SYNE2: variants seen among roughly 807,000 people sequenced by gnomAD.
The protein encoded by SYNE2 is nesprin-2.
SYNE2 carries 431 observed loss-of-function variants against 856.3 expected under a neutral mutation model. That is an observed-to-expected ratio of 0.50 (90% CI 0.47 to 0.55). The LOEUF (loss-of-function observed/expected upper bound fraction) is 0.55, where lower values mean the gene tolerates loss of function less well. Ranked by LOEUF, SYNE2 falls within the 20% of genes least tolerant of loss-of-function variation. The pLI is 0.00. For synonymous variants in SYNE2, 2,923 were observed against 2,872.3 expected (o/e 1.02, Z -0.56); for missense variants, 8,129 against 8,023.2 (o/e 1.01, Z -0.50).
rs200437377 is a variant in SYNE2 at position 64,000,587 on chromosome 14, G to T, written c.3506G>T (p.Arg1169Leu). ...LQVIKNETDA[R>L]WKEFEIISLK... ...GTCATAAAAAATGAAACTGATGCTCGCTGGAAAGAGTTTGAAATTATTTCA... is the reference window on the plus strand; with the variant it reads ...GTCATAAAAAATGAAACTGATGCTCTCTGGAAAGAGTTTGAAATTATTTCA... The change falls in exon 28 of 116, where the codon CGC becomes CTC. Residue 1169 changes from arginine to leucine, a missense_variant. Transcript: ENST00000555002. 2.5e-6 allele frequency: 4 copies of T among 1,613,192 alleles called. No homozygotes were observed. Among genetic ancestry groups the T allele is most frequent in the Non-Finnish European group, 2.5e-6 (3 of 1,179,620 alleles).
intron 108 of SYNE2, among the ~76,000 whole-genome samples, chr14:64,217,103 C>G (rs538977638): frequency 1.3e-5 from 2 of 152,168 alleles, no homozygotes; most frequent in East Asian, 3.9e-4. Context: ...GCAGTGGACA[C>G]GGATTTGATT....
intron 39 of SYNE2, 46 bp from the exon 40 acceptor site, chr14:64,024,866 C>A (rs745487542): frequency 3.0e-5 from 48 of 1,609,682 alleles, no homozygotes; most frequent in Non-Finnish European, 4.0e-5. Flanking sequence ...TTGGTATAAA[C>A]ACTTTTTGCT....
chr14:64,044,623 A>G (rs2097172712), intron 45 of SYNE2, among the ~76,000 whole-genome samples: 1 of 152,148 alleles, frequency 6.6e-6, no homozygotes. Context: ...CACAATTCCC[A>G]TGTGTCATGG....
intron 51 of SYNE2, among the ~76,000 whole-genome samples, chr14:64,067,927 G>A (rs2097370000): frequency 6.6e-6 from 1 of 152,102 alleles, no homozygotes; most frequent in Admixed American, 6.5e-5. Context: ...TCTCTTTTCT[G>A]CTGGTTCTGG....
At chr14:63,949,375 T>G (rs1255865) in intron 6 of SYNE2, among the ~76,000 whole-genome samples, 73,412 of 152,012 alleles carry the variant, frequency 0.48, 18,770 homozygotes, top group South Asian at 0.56. Context: ...GCAATTTTAT[T>G]TGTTTCCTCT....
At chr14:64,020,463 T>G (rs2096928125) in intron 35 of SYNE2, among the ~76,000 whole-genome samples, 1 of 152,246 alleles carries the variant, frequency 6.6e-6, no homozygotes, top group African/African-American at 2.4e-5. Flanking sequence ...GATCATTTAT[T>G]CAATTCCTAT....
chr14:64,059,506 T>A (rs926956287), intron 49 of SYNE2, among the ~76,000 whole-genome samples: 3 of 152,338 alleles, frequency 2.0e-5, no homozygotes, highest in African/African-American at 7.2e-5. Context: ...TTGTTTTCCC[T>A]CACTTTCTCC....
Position 64,012,664 on chromosome 14 carries a change from C to T in SYNE2, c.4728+2548C>T, listed in dbSNP as rs922354123. Reference sequence around the variant, plus strand: ...TTATTTTATTAAAATGAGAATTGTACCTCTAGTATATGGGTACTTCATATG... The same window carrying T: ...TTATTTTATTAAAATGAGAATTGTATCTCTAGTATATGGGTACTTCATATG... On this transcript the variant is annotated intron_variant, in intron 32 of 115. Transcript: ENST00000555002. 2.6e-5 allele frequency among the ~76,000 whole-genome samples: 4 copies of T among 152,220 alleles called. No homozygotes were observed. In the East Asian group the frequency reaches 7.7e-4, roughly 29 times the overall value.
intron 83 of SYNE2, among the ~76,000 whole-genome samples, chr14:64,144,153 C>T (rs1380801371): frequency 6.6e-6 from 1 of 152,078 alleles, no homozygotes; most frequent in East Asian, 1.9e-4. Flanking sequence ...TTTGAGATTT[C>T]TTAGTGGGAA....
chr14:64,225,633 C>G lies in SYNE2; in HGVS notation c.*107C>G. 1 of 1,235,420 alleles carries G rather than the reference C, an allele frequency of 8.1e-7. No individual in the cohort carries two copies. Among genetic ancestry groups the G allele is most frequent in the South Asian group, 1.3e-5 (1 of 78,262 alleles). 76.5% of individuals were successfully genotyped at this position (1,235,420 alleles called of 1,614,324 possible). A position where few individuals can be genotyped will look rare whatever the true frequency, so the allele number is the denominator to read the frequency against. On this transcript the variant is annotated 3_prime_UTR_variant, in exon 116 of 116. Transcript: ENST00000555002. ...ACTTAGTGTTGGCAAGGTCCCGGGA[C>G]CTGTGCAGACTTCTTCTGGGCTTAC...
intron 39 of SYNE2, among the ~76,000 whole-genome samples, chr14:64,024,692 G>A (rs2096964056): frequency 6.6e-6 from 1 of 152,082 alleles, no homozygotes; most frequent in Non-Finnish European, 1.5e-5. Context: ...TCTGTTTCCT[G>A]TTCTCTATGA....
Position 63,978,868 on chromosome 14 carries a change from G to A in SYNE2, c.1423G>A (p.Glu475Lys). 6.2e-7 allele frequency: 1 copy of A among 1,612,818 alleles called. No homozygotes were observed. Residue 475 changes from glutamate to lysine, a missense_variant, in exon 14 of 116, where the codon GAG becomes AAG. Physicochemically the swap from Glu to Lys is moderately conservative, Grantham distance 56 (BLOSUM62 1). Coordinates refer to ENST00000555002, the MANE Select transcript of SYNE2 (RefSeq NM_182914.3). Reference protein sequence around the residue: ...EMKRRINNILEKKFILLLEFH... With the variant: ...EMKRRINNILKKKFILLLEFH... ...GTTTTCCAGAATCAACAACATTTTGGAGAAAAAATTTATTCTACTTCTAGA... is the reference window on the plus strand; with the variant it reads ...GTTTTCCAGAATCAACAACATTTTGAAGAAAAAATTTATTCTACTTCTAGA...
At chr14:63,948,742 A>ATGTG (rs370910816) in intron 6 of SYNE2, among the ~76,000 whole-genome samples, 3 of 95,576 alleles carry the variant, frequency 3.1e-5, no homozygotes, top group Non-Finnish European at 6.2e-5. Context: ...GTGTATAGAT[A>ATGTG]TGTGTGTGTA....
intron 65 of SYNE2, among the ~76,000 whole-genome samples, chr14:64,111,468 G>A (rs1265498741): frequency 2.0e-5 from 3 of 152,004 alleles, no homozygotes. Context: ...ATATCTGGAA[G>A]TCTGGAAGCA....
At chr14:64,191,242 C>T (rs1240729182) in intron 99 of SYNE2, 1 of 234,492 alleles carries the variant, frequency 4.3e-6, no homozygotes, top group Non-Finnish European at 7.8e-6. Context: ...TCATTGTTTA[C>T]TGGAAACCAC....
intron 28 of SYNE2, among the ~76,000 whole-genome samples, chr14:64,001,140 G>A (rs2096751484): frequency 6.6e-6 from 1 of 152,138 alleles, no homozygotes; most frequent in South Asian, 2.1e-4. Flanking sequence ...GGAAAAAACT[G>A]AGGCTCAGAG....
chr14:63,998,476 C>T (rs370618259), intron 26 of SYNE2, 148 bp downstream of exon 26: 47 of 620,250 alleles, frequency 7.6e-5, no homozygotes, highest in South Asian at 2.4e-4. Context: ...TTTTCTCACA[C>T]GCAGTTGACA....
At chr14:63,825,968 T>C (rs1268429046) in intron 1 of SYNE2, among the ~76,000 whole-genome samples, 1 of 152,216 alleles carries the variant, frequency 6.6e-6, no homozygotes, top group African/African-American at 2.4e-5. Flanking sequence ...TAGCAGTACT[T>C]TCCAACTTGA....
chr14:64,199,337 C>T (rs575085834), intron 99 of SYNE2, among the ~76,000 whole-genome samples: 2 of 152,318 alleles, frequency 1.3e-5, no homozygotes, highest in South Asian at 4.1e-4. Flanking sequence ...AATCCTGCTT[C>T]CGCTATTGAC....
Sources: allele counts gnomAD v4.1 joint callset (sites outside exome capture counted in the v4.1 genomes callset), GRCh38; gene constraint gnomAD v4.1.1; transcripts MANE v1.5; gene names NCBI Gene and HGNC (gene_info 2026-07-23, HGNC 2026-07-21).